The following TEX2 variants were observed in gnomAD, a reference collection of about 807,000 sequenced individuals.
TEX2 encodes the protein testis expressed 2.
In TEX2, 53 loss-of-function variants were observed where a neutral mutation model predicts 106.9. That is an observed-to-expected ratio of 0.50 (90% CI 0.40 to 0.62). The LOEUF (loss-of-function observed/expected upper bound fraction) is 0.62, where lower values mean the gene tolerates loss of function less well. Among genes scored for constraint, TEX2 ranks in the 20% least tolerant of loss-of-function variants. TEX2 has a pLI of 0.00. For synonymous variants in TEX2, 523 were observed against 534.8 expected, an observed-to-expected ratio of 0.98 and a Z score of 0.30; for missense variants, 1,207 against 1,379.0, an observed-to-expected ratio of 0.88 and a Z score of 1.98.
chr17:64,179,907 C>G (rs2031785616), intron 5 of TEX2, among the ~76,000 whole-genome samples: 2 of 152,168 alleles, frequency 1.3e-5, no homozygotes, highest in African/African-American at 4.8e-5. Flanking sequence ...TGTCATTAAC[C>G]AAGACATTTT....
chr17:64,158,366 C>A (rs2030727854), intron 8 of TEX2, among the ~76,000 whole-genome samples: 1 of 152,214 alleles, frequency 6.6e-6, no homozygotes. Context: ...CGAGGCCCTG[C>A]CAGGCAGGAC....
chr17:64,210,880 C>T (rs1190069549), intron 2 of TEX2, among the ~76,000 whole-genome samples: 4 of 151,966 alleles, frequency 2.6e-5, no homozygotes, highest in African/African-American at 9.7e-5. Context: ...TAGGCATGAA[C>T]CTTCTGCAGA....
chr17:64,166,561 C>T (rs912100823), intron 7 of TEX2, among the ~76,000 whole-genome samples: 5 of 152,208 alleles, frequency 3.3e-5, no homozygotes, highest in African/African-American at 1.2e-4. Flanking sequence ...AATCTGACTG[C>T]CCTTTCAAGT....
At position 64,193,739 on chromosome 17, in the gene TEX2, C is replaced by T. The variant is rs749599949; in HGVS notation, c.1996G>A (p.Glu666Lys). The T allele has an allele frequency of 6.2e-7, 1 of 1,613,750 alleles. No individual in the cohort carries two copies. Among genetic ancestry groups the T allele is most frequent in the Non-Finnish European group, 8.5e-7 (1 of 1,179,794 alleles). ...SEEKPPAEGS[E>K]DPKKPPRPQE... ...GGGCGGGGTGGCTTCTTAGGGTCCT[C>T]ACTTCCCTCAGCTGGCGGCTTCTCT... is the stretch of plus-strand genomic sequence containing the variant. Residue 666 changes from glutamate (E) to lysine (K), a missense_variant, in exon 4 of 12, where the codon GAG becomes AAG. Physicochemically the swap from Glu to Lys is moderately conservative, Grantham distance 56. This residue lies in a region of TEX2 where 1,067 missense variants were observed against 1,193.6 expected (regional missense o/e 0.89). Coordinates refer to ENST00000584379, the MANE Select transcript of TEX2 (RefSeq NM_001288732.2).
chr17:64,262,730 T>C (rs1555638750), intron 1 of TEX2, among the ~76,000 whole-genome samples: 1 of 152,244 alleles, frequency 6.6e-6, no homozygotes, highest in East Asian at 1.9e-4. Flanking sequence ...ATACAACCTC[T>C]GACAGATTCG....
chr17:64,245,985 T>C (rs1415999894), intron 1 of TEX2, among the ~76,000 whole-genome samples: 1 of 152,174 alleles, frequency 6.6e-6, no homozygotes, highest in Admixed American at 6.5e-5. Flanking sequence ...GAGATCCGGT[T>C]TCTTAAGCAG....
chr17:64,166,443 G>A (rs957872652), intron 7 of TEX2, among the ~76,000 whole-genome samples: 1 of 152,180 alleles, frequency 6.6e-6, no homozygotes, highest in Admixed American at 6.5e-5. Flanking sequence ...CCTCTGATGG[G>A]GCCTAGACTC....
At chr17:64,167,168 T>C (rs1027724842) in intron 7 of TEX2, among the ~76,000 whole-genome samples, 1 of 152,214 alleles carries the variant, frequency 6.6e-6, no homozygotes, top group Admixed American at 6.5e-5. Flanking sequence ...AGGTTGTGTG[T>C]GTTGGAACAG....
At chr17:64,192,543 C>T (rs2032336195) in intron 4 of TEX2, among the ~76,000 whole-genome samples, 1 of 152,216 alleles carries the variant, frequency 6.6e-6, no homozygotes, top group Non-Finnish European at 1.5e-5. Context: ...TGAGAGAATA[C>T]ATTTCTGTTG....
At chr17:64,154,755 AGAGG>A in intron 9 of TEX2, 83 bp downstream of exon 9, 4 of 1,389,492 alleles carry the variant, frequency 2.9e-6, no homozygotes, top group Non-Finnish European at 3.8e-6. Context: ...GGAAGATCAC[AGAGG>A]AAGGAAGGGA....
intron 5 of TEX2, among the ~76,000 whole-genome samples, chr17:64,181,234 T>C (rs182087176): frequency 6.6e-6 from 1 of 152,164 alleles, no homozygotes; most frequent in East Asian, 1.9e-4. Flanking sequence ...TCCCAGCACT[T>C]TGGGAGGCCA....
chr17:64,247,927 C>G (rs181584808), intron 1 of TEX2, among the ~76,000 whole-genome samples: 1 of 152,326 alleles, frequency 6.6e-6, no homozygotes, highest in African/African-American at 2.4e-5. Context: ...TCATTACACT[C>G]TTTTGAATAG....
At position 64,155,030 on chromosome 17, in the gene TEX2, C is replaced by G. The variant is rs1163652314; in HGVS notation, c.2805-63G>C. On this transcript the variant is annotated intron_variant, in intron 8 of 11. Transcript: ENST00000584379. Reference sequence around the variant, plus strand: ...ACCCAAGCTCTGCTTAGAAAGAGAACACACACACCCATGCACACACACTCA... The same window carrying G: ...ACCCAAGCTCTGCTTAGAAAGAGAAGACACACACCCATGCACACACACTCA... The G allele has an allele frequency of 2.0e-6, 3 of 1,482,500 alleles. No individual in the cohort carries two copies. In the Admixed American group the frequency reaches 6.7e-5, roughly 33 times the overall value. The allele number at this position is 1,482,500 out of a possible 1,614,324, so 91.8% of individuals were successfully genotyped here.
rs201073917 is a variant in TEX2 at position 64,213,126 on chromosome 17, G to C, written c.1092C>G (p.Ile364Met). The change falls in exon 2 of 12, where the codon ATC (isoleucine) becomes ATG (methionine). Residue 364 changes from isoleucine to methionine, a missense_variant. Ile to Met is a conservative substitution (Grantham distance 10). Around this residue, in one of 3 missense-constraint regions of TEX2, gnomAD observed 1,067 missense variants for 1,193.6 expected, o/e 0.89. Transcript: ENST00000584379. The surrounding 1 kb of genome is among the most constrained non-coding windows in gnomAD (Gnocchi z 4.4). The part of the protein sequence containing the change: ...EGDGYGSDSN[I>M]PRSDHPKSTG... The stretch of plus-strand genomic sequence containing the variant: ...TGGACTTTGGGTGGTCACTTCTGGG[G>C]ATGTTGGAATCACTTCCGTAGCCAT... 8 of 1,614,178 alleles carry C rather than the reference G, an allele frequency of 5.0e-6. No individual in the cohort carries two copies. In the East Asian group the frequency reaches 1.8e-4, roughly 36 times the overall value.
chr17:64,193,655 C>T lies in TEX2; in HGVS notation c.2080G>A (p.Gly694Ser). The T allele has an allele frequency of 1.3e-6, 2 of 1,563,524 alleles. No homozygotes were observed. The highest frequency in any genetic ancestry group is 1.7e-6 in the Non-Finnish European group (2 of 1,154,366). ...DQILYLFGRT[G>S]REKEEWFRRF... ...CTAAACCATTCCTCTTTTTCTCGGCCAGTTCTCCCAAAGAGATAGAGTATC... is the reference window on the plus strand; with the variant it reads ...CTAAACCATTCCTCTTTTTCTCGGCTAGTTCTCCCAAAGAGATAGAGTATC... Residue 694 changes from glycine to serine, a missense_variant, in exon 4 of 12, where the codon GGC (glycine) becomes AGC (serine). Physicochemically the swap from Gly to Ser is moderately conservative, Grantham distance 56. This residue lies in a region of TEX2 where 1,067 missense variants were observed against 1,193.6 expected (regional missense o/e 0.89). Coordinates refer to ENST00000584379, the MANE Select transcript of TEX2 (RefSeq NM_001288732.2).
At chr17:64,249,377 A>G (rs1555636683) in intron 1 of TEX2, among the ~76,000 whole-genome samples, 4 of 152,158 alleles carry the variant, frequency 2.6e-5, no homozygotes, top group Admixed American at 6.5e-5. Context: ...CAGTTCTGAG[A>G]GGGAAAACGG....
rs2032803895 is a variant in TEX2, at chr17:64,205,538, G to C, written c.1644+7036C>G. 6.6e-6 allele frequency among the ~76,000 whole-genome samples: 1 copy of C among 152,090 alleles called. No individual in the cohort carries two copies. Among genetic ancestry groups the C allele is most frequent in the African/African-American group, 2.4e-5 (1 of 41,406 alleles). ...AAAGCAATCCAAGTCTCTTTGGGCT[G>C]CATGTAATGGCCATTTTCTCCTAAA... On this transcript the variant is annotated intron_variant, in intron 2 of 11. Transcript: ENST00000584379. This position sits in a 1 kb window ranked among gnomAD's most constrained non-coding sequence, Gnocchi z 4.0.
chr17:64,165,276 T>C lies in TEX2; in HGVS notation c.2672-4343A>G, dbSNP rs16947524. Among the ~76,000 whole-genome samples, 344 of 152,336 alleles carry C rather than the reference T, an allele frequency of 2.3e-3. 2 individuals carry two copies. The highest frequency in any genetic ancestry group is 7.9e-3 in the African/African-American group (328 of 41,570). On this transcript the variant is annotated intron_variant, in intron 7 of 11. Coordinates refer to ENST00000584379, the MANE Select transcript of TEX2 (RefSeq NM_001288732.2). ...ACTACAGAAAATTAGCAATTCCTTG[T>C]GTGTGGATGTGTCTTTGATGATAGA...
At chr17:64,190,562 CCT>C (rs71357069) in intron 4 of TEX2, among the ~76,000 whole-genome samples, 11,830 of 151,100 alleles carry the variant, frequency 0.078, 536 homozygotes, top group Non-Finnish European at 0.11. Context: ...TCACCCTTCC[CCT>C]GAGTGGGACA....
Sources: gnomAD v4.1 joint callset for allele counts (sites outside exome capture counted in the v4.1 genomes callset) on GRCh38, gnomAD v4.1.1 for gene constraint, gnomAD v4.1.1 regional missense constraint, Gnocchi (gnomAD v3.1) non-coding constraint, MANE v1.5 for transcripts, NCBI Gene and HGNC (gene_info 2026-07-23, HGNC 2026-07-21) for gene names.